Variants in OLA1 observed in about 807,000 individuals in gnomAD.
OLA1 encodes the protein obg-like ATPase 1.
In OLA1, 14 loss-of-function variants were observed where a neutral mutation model predicts 48.4. The observed-to-expected ratio is 0.29, with a 90% CI of 0.19 to 0.45. The LOEUF (loss-of-function observed/expected upper bound fraction) is 0.45, where lower values mean the gene tolerates loss of function less well. Among genes scored for constraint, OLA1 ranks in the 20% least tolerant of loss-of-function variants. The pLI, the probability that OLA1 is intolerant of heterozygous loss-of-function variation, is 1.00. For synonymous variants in OLA1, 127 were observed against 150.4 expected (o/e 0.84, Z 1.14); for missense variants, 325 against 467.1 (o/e 0.70, Z 2.80).
At chr2:174,204,087 C>T (rs1239657473) in intron 4 of OLA1, among the ~76,000 whole-genome samples, 1 of 151,356 alleles carries the variant, frequency 6.6e-6, no homozygotes, top group Non-Finnish European at 1.5e-5. Context: ...GCCACTGTGC[C>T]CAGCCAGTAA....
chr2:174,167,901 A>G (rs12465566), intron 4 of OLA1, among the ~76,000 whole-genome samples: 80,951 of 152,028 alleles, frequency 0.53, 22,144 homozygotes, highest in East Asian at 0.95. Context: ...TTCAATAATG[A>G]CATAGTAAGA....
intron 2 of OLA1, among the ~76,000 whole-genome samples, chr2:174,231,538 T>G (rs1249475496): frequency 1.3e-5 from 2 of 152,168 alleles, no homozygotes; most frequent in Non-Finnish European, 2.9e-5. Context: ...ATCGTCTACC[T>G]GGACAAAAAT....
chr2:174,234,706 TGCCAGCTTCAGCCTCG>T (rs1688806828), intron 2 of OLA1, among the ~76,000 whole-genome samples: 1 of 152,024 alleles, frequency 6.6e-6, no homozygotes, highest in Non-Finnish European at 1.5e-5. Context: ...TCAAGCAATC[TGCCAGCTTCAGCCTCG>T]TAAAGTGCTG....
At chr2:174,175,003 G>A (rs373243049) in intron 4 of OLA1, among the ~76,000 whole-genome samples, 14 of 152,046 alleles carry the variant, frequency 9.2e-5, no homozygotes, top group African/African-American at 3.4e-4. Flanking sequence ...ACGGTGCCAG[G>A]TTAATTCAGT....
intron 5 of OLA1, among the ~76,000 whole-genome samples, chr2:174,141,366 T>C (rs1331233187): frequency 6.6e-6 from 1 of 152,274 alleles, no homozygotes; most frequent in East Asian, 1.9e-4. Context: ...CATTTGAATA[T>C]TAAGAACAAT....
chr2:174,242,682 G>C (rs191942751), intron 2 of OLA1, among the ~76,000 whole-genome samples: 127 of 152,230 alleles, frequency 8.3e-4, no homozygotes, highest in African/African-American at 2.9e-3. Context: ...GCTCTTAATT[G>C]AACCTAATCC....
At chr2:174,168,911 A>G (rs1352956293) in intron 4 of OLA1, among the ~76,000 whole-genome samples, 1 of 151,354 alleles carries the variant, frequency 6.6e-6, no homozygotes, top group African/African-American at 2.4e-5. Context: ...AAAAACGAAC[A>G]GAGCCTCAGG....
intron 2 of OLA1, among the ~76,000 whole-genome samples, chr2:174,234,739 T>C (rs1688807235): frequency 6.6e-6 from 1 of 151,962 alleles, no homozygotes; most frequent in Non-Finnish European, 1.5e-5. Flanking sequence ...GCTGGGATTA[T>C]GGGTATGAGT....
chr2:174,243,298 G>A (rs942901984), intron 2 of OLA1, among the ~76,000 whole-genome samples: 2 of 152,184 alleles, frequency 1.3e-5, no homozygotes, highest in Non-Finnish European at 2.9e-5. Context: ...ACGGTGTTTT[G>A]TGTGCCTGCA....
chr2:174,082,488 C>T (rs1684878576), intron 7 of OLA1, among the ~76,000 whole-genome samples: 1 of 152,046 alleles, frequency 6.6e-6, no homozygotes, highest in African/African-American at 2.4e-5. Context: ...TTCTGAAGAG[C>T]CCTTCACAAA....
At chr2:174,174,923 T>C (rs556500782) in intron 4 of OLA1, among the ~76,000 whole-genome samples, 24 of 152,068 alleles carry the variant, frequency 1.6e-4, no homozygotes, top group Admixed American at 1.2e-3. Context: ...AACAAATAGA[T>C]CAATGGAACA....
chr2:174,136,518 T>C (rs1156380029), intron 5 of OLA1, among the ~76,000 whole-genome samples: 1 of 152,186 alleles, frequency 6.6e-6, no homozygotes, highest in African/African-American at 2.4e-5. Context: ...GTTCCACATC[T>C]ACATCTAGTT....
intron 5 of OLA1, among the ~76,000 whole-genome samples, chr2:174,140,747 C>T (rs1686427824): frequency 6.6e-6 from 1 of 152,082 alleles, no homozygotes; most frequent in Non-Finnish European, 1.5e-5. Context: ...GCTCAAACCA[C>T]AAAGACATCA....
intron 1 of OLA1, 72 bp from the exon 2 acceptor site, chr2:174,246,887 A>C: frequency 1.2e-6 from 1 of 806,802 alleles, no homozygotes; most frequent in Admixed American, 2.3e-5. Context: ...ATTTCATCAC[A>C]TACAATATAT....
chr2:174,137,423 G>A (rs890675037), intron 5 of OLA1, among the ~76,000 whole-genome samples: 11 of 152,220 alleles, frequency 7.2e-5, no homozygotes, highest in African/African-American at 2.7e-4. Context: ...ATGGTAATAA[G>A]CATTGGTTTC....
intron 4 of OLA1, among the ~76,000 whole-genome samples, chr2:174,200,853 A>T (rs1687975962): frequency 6.6e-6 from 1 of 152,210 alleles, no homozygotes; most frequent in South Asian, 2.1e-4. Context: ...GGTAAAAATA[A>T]GATCTTGTAA....
At chr2:174,092,594 C>T (rs889004836) in intron 7 of OLA1, among the ~76,000 whole-genome samples, 6 of 151,668 alleles carry the variant, frequency 4.0e-5, no homozygotes, top group African/African-American at 1.5e-4. Flanking sequence ...CCCAGGAGTT[C>T]GAGGTTGTGG....
At chr2:174,198,887 T>C (rs1406980019) in intron 4 of OLA1, among the ~76,000 whole-genome samples, 3 of 152,244 alleles carry the variant, frequency 2.0e-5, no homozygotes, top group Admixed American at 6.5e-5. Context: ...GCAGTCATGG[T>C]ACAAAAGTAA....
At chr2:174,230,500 T>G (rs1166651517) in intron 2 of OLA1, among the ~76,000 whole-genome samples, 1 of 152,164 alleles carries the variant, frequency 6.6e-6, no homozygotes, top group African/African-American at 2.4e-5. Context: ...TGGATCTTGG[T>G]AATAATTACC....
Sources: allele counts gnomAD v4.1 joint callset (sites outside exome capture counted in the v4.1 genomes callset), GRCh38; gene constraint gnomAD v4.1.1; transcripts MANE v1.5; gene names NCBI Gene and HGNC (gene_info 2026-07-23, HGNC 2026-07-21).